Variants in HSD11B1 observed in about 807,000 individuals in gnomAD.
HSD11B1 encodes the protein hydroxysteroid 11-beta dehydrogenase 1, also known as 11-beta-hydroxysteroid dehydrogenase 1.
Under a neutral mutation model 22.1 loss-of-function variants are expected in HSD11B1, and 15 were observed. That is an observed-to-expected ratio of 0.68 (90% CI 0.45 to 1.04). The LOEUF (loss-of-function observed/expected upper bound fraction) is 1.04. HSD11B1 is among the 50% of genes least tolerant of loss of function. HSD11B1 has a pLI of 0.00. For synonymous variants in HSD11B1, 122 were observed against 125.2 expected, an observed-to-expected ratio of 0.97 and a Z score of 0.17; for missense variants, 281 against 357.6, an observed-to-expected ratio of 0.79 and a Z score of 1.73.
intron 1 of HSD11B1, among the ~76,000 whole-genome samples, chr1:209,689,001 A>T (rs947504472): frequency 3.9e-5 from 6 of 152,178 alleles, no homozygotes; most frequent in Admixed American, 3.9e-4. Context: ...AACATAGCAG[A>T]AGACCCTTGG....
At chr1:209,708,986 A>G (rs1008270665) in intron 4 of HSD11B1, among the ~76,000 whole-genome samples, 6 of 152,238 alleles carry the variant, frequency 3.9e-5, no homozygotes, top group African/African-American at 1.4e-4. Flanking sequence ...CAAAGTACAG[A>G]CACATTGCTG....
chr1:209,715,918 C>T (rs548604466), intron 4 of HSD11B1, among the ~76,000 whole-genome samples: 1 of 152,210 alleles, frequency 6.6e-6, no homozygotes, highest in East Asian at 1.9e-4. Flanking sequence ...ACCAAAAACA[C>T]CACAAATGAC....
upstream of HSD11B1, among the ~76,000 whole-genome samples, chr1:209,700,662 A>G (rs2076821202): frequency 6.6e-6 from 1 of 152,202 alleles, no homozygotes; most frequent in Non-Finnish European, 1.5e-5. Flanking sequence ...TCCTCAAAAA[A>G]TGTGTTTTTC....
intron 4 of HSD11B1, among the ~76,000 whole-genome samples, chr1:209,712,128 A>G (rs2076901789): frequency 6.6e-6 from 1 of 152,216 alleles, no homozygotes; most frequent in Non-Finnish European, 1.5e-5. Flanking sequence ...AATACATTCT[A>G]TTTGGAAAAA....
intron 4 of HSD11B1, among the ~76,000 whole-genome samples, chr1:209,714,777 G>A (rs1025474803): frequency 6.6e-6 from 1 of 152,186 alleles, no homozygotes; most frequent in African/African-American, 2.4e-5. Flanking sequence ...GGGGAGGAAG[G>A]TGGCAGCACA....
chr1:209,686,296 T>A (rs1004272432), intron 1 of HSD11B1: 5 of 152,174 alleles, frequency 3.3e-5, no homozygotes, highest in Non-Finnish European at 7.3e-5. Flanking sequence ...GTAAGACTTT[T>A]AAAAATCACA....
Position 209,710,891 on chromosome 1 carries a change from T to C in HSD11B1, c.517+3763T>C, listed in dbSNP as rs1571875708. 2.6e-5 allele frequency among the ~76,000 whole-genome samples: 4 copies of C among 152,240 alleles called. No individual in the cohort carries two copies. In the East Asian group the frequency reaches 7.7e-4, roughly 29 times the overall value. ...AAAATCAACTTTCCCTATATATAGA[T>C]AGTCTTATTCAAATGTATTCCTTTC... is the stretch of plus-strand genomic sequence containing the variant. On this transcript the variant is annotated intron_variant, in intron 4 of 5. Coordinates refer to ENST00000367027, the MANE Select transcript of HSD11B1 (RefSeq NM_005525.4).
At chr1:209,692,126 G>A (rs1361362151) in intron 1 of HSD11B1, among the ~76,000 whole-genome samples, 5 of 151,630 alleles carry the variant, frequency 3.3e-5, no homozygotes, top group African/African-American at 1.2e-4. Flanking sequence ...AGTCTCCCAG[G>A]GAATACATTC....
intron 1 of HSD11B1, among the ~76,000 whole-genome samples, chr1:209,697,884 CTTTTTT>C (rs988076432): frequency 2.3e-3 from 97 of 41,594 alleles, no homozygotes; most frequent in African/African-American, 6.6e-3. Context: ...TTGTTTTTTC[CTTTTTT>C]TTTTTTTTTT....
rs1553286723 is a variant in HSD11B1, at chr1:209,692,612, G to GGGGGGGC, written c.-49+6333_-49+6334insCGGGGGG. 1.4e-4 allele frequency among the ~76,000 whole-genome samples: 16 copies of GGGGGGGC among 113,110 alleles called. 1 individual carries two copies. Among genetic ancestry groups the GGGGGGGC allele is most frequent in the African/African-American group, 5.1e-4 (15 of 29,606 alleles). 74.2% of individuals were successfully genotyped at this position (113,110 alleles called of 152,430 possible). On this transcript the variant is annotated intron_variant, in intron 1 of 6. Coordinates refer to the HSD11B1 transcript ENST00000261465. ...GGAATCGGGTATTAAAATGGCGGGGGGGGGGGTGGGGGCTCGGTTCTTGCT... is the reference window on the plus strand; with the variant it reads ...GGAATCGGGTATTAAAATGGCGGGGGGGGGGGCGGGGGGTGGGGGCTCGGTTCTTGCT...
intron 4 of HSD11B1, among the ~76,000 whole-genome samples, chr1:209,724,964 A>G (rs2076991839): frequency 6.6e-6 from 1 of 152,246 alleles, no homozygotes; most frequent in Admixed American, 6.5e-5. Flanking sequence ...GCTATGGGAA[A>G]AAAATGGAAA....
At chr1:209,722,776 G>A (rs1436836134) in intron 4 of HSD11B1, among the ~76,000 whole-genome samples, 2 of 152,154 alleles carry the variant, frequency 1.3e-5, no homozygotes, top group East Asian at 3.9e-4. Flanking sequence ...GCCTGGGGTT[G>A]CTCTAAAAGT....
chr1:209,697,884 C>CTTTTTTTTTTTTTTTTTCTTTTTTTTTT (rs2076800842), intron 1 of HSD11B1, among the ~76,000 whole-genome samples: 1 of 41,586 alleles, frequency 2.4e-5, no homozygotes, highest in Non-Finnish European at 4.5e-5. Flanking sequence ...TTGTTTTTTC[C>CTTTTTTTTTTTTTTTTTCTTTTTTTTTT]TTTTTTTTTT....
intron 4 of HSD11B1, among the ~76,000 whole-genome samples, chr1:209,727,865 C>T (rs1393347635): frequency 1.3e-5 from 2 of 152,194 alleles, no homozygotes; most frequent in African/African-American, 2.4e-5. Flanking sequence ...GCTGAAATGG[C>T]TACCCCAGTC....
chr1:209,734,590 T>C lies in HSD11B1; in HGVS notation c.*69T>C. The stretch of plus-strand genomic sequence containing the variant: ...TCTGTCTCATGTTTATCTGAGCTCT[T>C]ATCTATGAAGACATCTTCCCAGAGT... On this transcript the variant is annotated 3_prime_UTR_variant, in exon 6 of 6. Transcript: ENST00000367027. 8.6e-7 allele frequency: 1 copy of C among 1,160,146 alleles called. No individual in the cohort carries two copies. The highest frequency in any genetic ancestry group is 1.3e-6 in the Non-Finnish European group (1 of 776,764). The allele number at this position is 1,160,146 out of a possible 1,614,324, so 71.9% of individuals were successfully genotyped here. A position where few individuals can be genotyped will look rare whatever the true frequency, so the allele number is the denominator to read the frequency against.
At chr1:209,696,796 GA>G (rs1397288362) in intron 1 of HSD11B1, among the ~76,000 whole-genome samples, 4 of 152,200 alleles carry the variant, frequency 2.6e-5, no homozygotes, top group African/African-American at 9.7e-5. Context: ...AAGCATGGTA[GA>G]AAAATCCAGC....
intron 5 of HSD11B1, among the ~76,000 whole-genome samples, chr1:209,733,005 C>A (rs1274405611): frequency 6.6e-6 from 1 of 152,190 alleles, no homozygotes; most frequent in African/African-American, 2.4e-5. Flanking sequence ...ATTTCTGTCA[C>A]TAGTGGAGGC....
intron 4 of HSD11B1, among the ~76,000 whole-genome samples, chr1:209,713,392 TATGC>T (rs1198267541): frequency 2.0e-5 from 3 of 152,236 alleles, no homozygotes; most frequent in Non-Finnish European, 4.4e-5. Context: ...ATTGTGTGTG[TATGC>T]ATGCATGTGT....
rs145197937 is a variant in HSD11B1, at chr1:209,693,622, G to A, written c.-49+7337G>A. On this transcript the variant is annotated intron_variant, in intron 1 of 6. Transcript: ENST00000261465. ...TGACTCCATAAATCATATCCTTCCA[G>A]TGATCTTGTTTTTAGATTCTACTGG... 2.0e-4 allele frequency among the ~76,000 whole-genome samples: 30 copies of A among 152,328 alleles called. No homozygotes were observed. The East Asian group carries it at 5.2e-3, about 26-fold the overall frequency.
Sources: allele counts gnomAD v4.1 joint callset (sites outside exome capture counted in the v4.1 genomes callset), GRCh38; gene constraint gnomAD v4.1.1; transcripts MANE v1.5; gene names NCBI Gene and HGNC (gene_info 2026-07-23, HGNC 2026-07-21).